RSRC1: variants seen among roughly 807,000 people sequenced by gnomAD.
The protein encoded by RSRC1 is serine/Arginine-related protein 53.
A neutral mutation model predicts 49.1 loss-of-function variants in RSRC1; 39 were observed. The ratio of observed to expected loss-of-function variants is 0.79; its 90% CI spans 0.61 to 1.04. The LOEUF is 1.04. Among genes scored for constraint, RSRC1 ranks in the 50% least tolerant of loss-of-function variants. The pLI is 0.00. For missense variants in RSRC1, 388 were observed against 402.4 expected (o/e 0.96, Z 0.31); for synonymous variants, 143 against 130.8 (o/e 1.09, Z -0.63).
intron 7 of RSRC1, among the ~76,000 whole-genome samples, chr3:158,511,164 G>A (rs1740150024): frequency 6.6e-6 from 1 of 151,782 alleles, no homozygotes; most frequent in African/African-American, 2.4e-5. Flanking sequence ...GTGCAGGTTA[G>A]TTACATATGT....
chr3:158,243,950 G>GTTT (rs57801130), intron 4 of RSRC1, among the ~76,000 whole-genome samples: 11 of 134,508 alleles, frequency 8.2e-5, no homozygotes, highest in African/African-American at 3.0e-4. Flanking sequence ...TGAGACTATG[G>GTTT]TTTTTTTTTT....
intron 7 of RSRC1, among the ~76,000 whole-genome samples, chr3:158,487,300 G>A (rs77496824): frequency 0.52 from 78,661 of 151,464 alleles, 20,911 homozygotes; most frequent in African/African-American, 0.64. Flanking sequence ...TTATAATTTG[G>A]AAGTGCCATG....
chr3:158,478,621 A>G (rs1738482708), intron 7 of RSRC1, among the ~76,000 whole-genome samples: 1 of 151,964 alleles, frequency 6.6e-6, no homozygotes. Context: ...TTGTCTATCC[A>G]CAATAGGATA....
At chr3:158,358,921 C>A (rs1306437303) in intron 6 of RSRC1, among the ~76,000 whole-genome samples, 1 of 67,204 alleles carries the variant, frequency 1.5e-5, no homozygotes, top group African/African-American at 7.8e-5. Flanking sequence ...TATATACACA[C>A]AAACATACAC....
intron 6 of RSRC1, among the ~76,000 whole-genome samples, chr3:158,355,737 A>G (rs1277116059): frequency 1.3e-5 from 2 of 152,084 alleles, no homozygotes; most frequent in African/African-American, 4.8e-5. Flanking sequence ...AAAAATGTAT[A>G]TAACTTATTC....
At chr3:158,483,457 G>A (rs1738696954) in intron 7 of RSRC1, among the ~76,000 whole-genome samples, 1 of 152,028 alleles carries the variant, frequency 6.6e-6, no homozygotes, top group Non-Finnish European at 1.5e-5. Flanking sequence ...ATTTAGATGT[G>A]ATAACATGTA....
chr3:158,516,788 T>C lies in RSRC1; in HGVS notation c.653-20304T>C, dbSNP rs571242319. Among the ~76,000 whole-genome samples, 9 of 152,250 alleles carry C rather than the reference T, an allele frequency of 5.9e-5. No individual in the cohort carries two copies. The South Asian group carries it at 1.9e-3, about 32-fold the overall frequency. On this transcript the variant is annotated intron_variant, in intron 7 of 9. Coordinates refer to ENST00000611884, the MANE Select transcript of RSRC1 (RefSeq NM_001271838.2). The stretch of plus-strand genomic sequence containing the variant: ...GGCCCTCCGAGCCAGGTGCGGGATA[T>C]AATCTCCTGGTGCGCTATTTTTTAA...
intron 3 of RSRC1, among the ~76,000 whole-genome samples, chr3:158,157,947 G>A (rs1717981683): frequency 6.6e-6 from 1 of 151,826 alleles, no homozygotes; most frequent in Non-Finnish European, 1.5e-5. Flanking sequence ...GTCCCTTTTG[G>A]ATTACTGTCG....
chr3:158,358,453 A>T (rs1356389155), intron 6 of RSRC1, among the ~76,000 whole-genome samples: 1 of 152,118 alleles, frequency 6.6e-6, no homozygotes, highest in African/African-American at 2.4e-5. Flanking sequence ...CTGTAGCGAG[A>T]CACTAATGAA....
In RSRC1 at chr3:158,537,083, C is replaced by T. The variant is rs1234911583; in HGVS notation, c.653-9C>T. The stretch of plus-strand genomic sequence containing the variant: ...CCAAAATACGCTGACATTATACCCT[C>T]TTTTTCAGACCAAGCCACCCTGGTA... On this transcript the variant is annotated splice_polypyrimidine_tract_variant and intron_variant, in intron 7 of 9. Coordinates refer to ENST00000611884, the MANE Select transcript of RSRC1 (RefSeq NM_001271838.2). 1.3e-6 allele frequency: 2 copies of T among 1,596,088 alleles called. No homozygotes were observed. The highest frequency in any genetic ancestry group is 2.7e-5 in the African/African-American group (2 of 74,296).
At chr3:158,487,771 G>GA (rs1167592147) in intron 7 of RSRC1, among the ~76,000 whole-genome samples, 3 of 151,516 alleles carry the variant, frequency 2.0e-5, no homozygotes, top group African/African-American at 7.3e-5. Flanking sequence ...CCAACATGGT[G>GA]AAACCCCATC....
chr3:158,495,997 A>G (rs991318823), intron 7 of RSRC1, among the ~76,000 whole-genome samples: 1 of 152,210 alleles, frequency 6.6e-6, no homozygotes, highest in South Asian at 2.1e-4. Flanking sequence ...ACATACACAC[A>G]TATGTTATAT....
At chr3:158,119,289 C>T (rs1715087565) in intron 1 of RSRC1, among the ~76,000 whole-genome samples, 2 of 152,286 alleles carry the variant, frequency 1.3e-5, no homozygotes, top group Admixed American at 1.3e-4. Flanking sequence ...GAATTCTCTA[C>T]AGTTGCCTGA....
intron 3 of RSRC1, among the ~76,000 whole-genome samples, chr3:158,170,282 A>T (rs1578158436): frequency 7.0e-6 from 1 of 143,338 alleles, no homozygotes; most frequent in African/African-American, 2.6e-5. Flanking sequence ...GTCTTCTTTT[A>T]TATGTTAACC....
At chr3:158,311,209 A>G (rs559654662) in intron 5 of RSRC1, among the ~76,000 whole-genome samples, 40 of 152,032 alleles carry the variant, frequency 2.6e-4, no homozygotes, top group African/African-American at 9.6e-4. Flanking sequence ...TATTATATCT[A>G]TATCTTACCT....
chr3:158,335,974 A>T (rs1317629179), intron 5 of RSRC1, among the ~76,000 whole-genome samples: 1 of 152,214 alleles, frequency 6.6e-6, no homozygotes, highest in African/African-American at 2.4e-5. Context: ...GCACAGTAGC[A>T]TCCTCTCAGT....
At chr3:158,154,239 A>G (rs966469452) in intron 3 of RSRC1, among the ~76,000 whole-genome samples, 5 of 152,148 alleles carry the variant, frequency 3.3e-5, no homozygotes, top group African/African-American at 9.7e-5. Flanking sequence ...TAAAAATGCT[A>G]ATGATCATTT....
intron 6 of RSRC1, among the ~76,000 whole-genome samples, chr3:158,370,916 T>A (rs1228187313): frequency 6.6e-6 from 1 of 151,910 alleles, no homozygotes. Context: ...AAAGTTTGCT[T>A]CATTTGTTCC....
At chr3:158,500,837 T>C (rs550340642) in intron 7 of RSRC1, among the ~76,000 whole-genome samples, 16 of 149,664 alleles carry the variant, frequency 1.1e-4, no homozygotes, top group African/African-American at 4.1e-4. Flanking sequence ...ATCTTTTGTA[T>C]TTTTTTTGTT....
Sources: allele counts gnomAD v4.1 joint callset (sites outside exome capture counted in the v4.1 genomes callset), GRCh38; gene constraint gnomAD v4.1.1; transcripts MANE v1.5; gene names NCBI Gene and HGNC (gene_info 2026-07-23, HGNC 2026-07-21).